The following CABLES1 variants were observed in gnomAD, a reference collection of about 807,000 sequenced individuals.
CABLES1 encodes the protein Cdk5 and Abl enzyme substrate 1, also known as CDK5 and ABL1 enzyme substrate 1.
Under a neutral mutation model 57.8 loss-of-function variants are expected in CABLES1, and 36 were observed. The observed-to-expected ratio is 0.62, with a 90% CI of 0.48 to 0.82. The LOEUF (loss-of-function observed/expected upper bound fraction) is 0.82, where lower values mean the gene tolerates loss of function less well. Ranked by LOEUF, CABLES1 falls within the 40% of genes least tolerant of loss-of-function variation. The pLI, the probability that CABLES1 is intolerant of heterozygous loss-of-function variation, is 0.00. For synonymous variants in CABLES1, 374 were observed against 363.0 expected (o/e 1.03, Z -0.35); for missense variants, 767 against 836.6 (o/e 0.92, Z 1.03).
rs547931697 is a variant in CABLES1, at chr18:23,229,774, A to G, written c.1089-4834A>G. On this transcript the variant is annotated intron_variant, in intron 4 of 9. Transcript: ENST00000256925. ...GAGTTCCTTTCTGCATGCAACTCCA[A>G]CGTTCTAGGCTTCCAAAAGAGAGGG... 4.6e-4 allele frequency among the ~76,000 whole-genome samples: 70 copies of G among 152,324 alleles called. 1 individual carries two copies. The highest frequency in any genetic ancestry group is 1.5e-3 in the African/African-American group (63 of 41,584).
In CABLES1 at chr18:23,147,979, CTTTTTTTTTTTT is replaced by C. The variant is rs10603023; in HGVS notation, c.845+11389_845+11400del. Among the ~76,000 whole-genome samples, 10 of 78,444 alleles carry C rather than the reference CTTTTTTTTTTTT, an allele frequency of 1.3e-4. 1 individual carries two copies. Among genetic ancestry groups the C allele is most frequent in the South Asian group, 6.5e-4 (1 of 1,548 alleles). 51.5% of individuals were successfully genotyped at this position (78,444 alleles called of 152,430 possible). A position where few individuals can be genotyped will look rare whatever the true frequency, so the allele number is the denominator to read the frequency against. ...GTCTGCGTGCTGCCTGCTTGGCCTC[CTTTTTTTTTTTT>C]TTTTTTTTTTTTTTTTGAGACGGAG... On this transcript the variant is annotated intron_variant, in intron 1 of 9. Coordinates refer to ENST00000256925, the MANE Select transcript of CABLES1 (RefSeq NM_001100619.3).
chr18:23,167,111 G>A (rs940540754), intron 1 of CABLES1, among the ~76,000 whole-genome samples: 2 of 152,124 alleles, frequency 1.3e-5, no homozygotes, highest in African/African-American at 4.8e-5. Flanking sequence ...CTAATCTCAA[G>A]ATCATCATCA....
chr18:23,202,136 G>T (rs565098155), intron 3 of CABLES1, among the ~76,000 whole-genome samples: 1 of 152,352 alleles, frequency 6.6e-6, no homozygotes. Context: ...TGGGAACCAC[G>T]CAGTGTGCTG....
chr18:23,155,574 G>A (rs1598802154), intron 1 of CABLES1, among the ~76,000 whole-genome samples: 2 of 152,142 alleles, frequency 1.3e-5, no homozygotes, highest in South Asian at 4.1e-4. Flanking sequence ...GGCATCTCCC[G>A]CTTACAATGG....
chr18:23,158,604 T>G (rs1333972514), intron 1 of CABLES1, among the ~76,000 whole-genome samples: 1 of 152,150 alleles, frequency 6.6e-6, no homozygotes, highest in Non-Finnish European at 1.5e-5. Flanking sequence ...CTGGAAAGTG[T>G]TTTGGAGCTT....
At chr18:23,227,196 A>G (rs973674450) in intron 4 of CABLES1, among the ~76,000 whole-genome samples, 4 of 152,228 alleles carry the variant, frequency 2.6e-5, no homozygotes, top group South Asian at 4.2e-4. Flanking sequence ...TTCTATTCTT[A>G]GAGCCTTCAA....
chr18:23,149,293 C>CT (rs953668562), intron 1 of CABLES1, among the ~76,000 whole-genome samples: 2 of 151,228 alleles, frequency 1.3e-5, no homozygotes, highest in Admixed American at 6.6e-5. Context: ...AGTTTGTCTA[C>CT]TTTTTTTTGA....
chr18:23,199,394 ATATT>A (rs2047307329), intron 3 of CABLES1, among the ~76,000 whole-genome samples: 1 of 152,240 alleles, frequency 6.6e-6, no homozygotes, highest in East Asian at 1.9e-4. Flanking sequence ...ATTCAGACAG[ATATT>A]TATACACCAA....
intron 1 of CABLES1, among the ~76,000 whole-genome samples, chr18:23,184,738 A>G (rs774153087): frequency 6.6e-6 from 1 of 152,020 alleles, no homozygotes; most frequent in Non-Finnish European, 1.5e-5. Flanking sequence ...AAAGAAATGT[A>G]TTTTCTCACA....
chr18:23,177,026 T>G (rs2144998788), intron 1 of CABLES1, among the ~76,000 whole-genome samples: 1 of 152,004 alleles, frequency 6.6e-6, no homozygotes, highest in Middle Eastern at 3.4e-3. Flanking sequence ...GGGACAGGAG[T>G]GTGTCCCTCC....
intron 7 of CABLES1, among the ~76,000 whole-genome samples, chr18:23,250,563 A>C (rs1381211043): frequency 6.6e-6 from 1 of 152,202 alleles, no homozygotes; most frequent in Admixed American, 6.5e-5. Flanking sequence ...AGTAGAAGGG[A>C]AATAAACCTG....
intron 3 of CABLES1, among the ~76,000 whole-genome samples, chr18:23,212,811 C>T (rs949734657): frequency 2.0e-5 from 3 of 152,072 alleles, no homozygotes; most frequent in African/African-American, 7.2e-5. Context: ...GGAAACACTC[C>T]GTGGAGGGGG....
intron 3 of CABLES1, among the ~76,000 whole-genome samples, chr18:23,195,635 G>C (rs1022492000): frequency 1.3e-5 from 2 of 152,160 alleles, no homozygotes; most frequent in African/African-American, 4.8e-5. Flanking sequence ...AGTGGTTTCA[G>C]AATAGCAAAA....
chr18:23,143,591 C>T (rs1363587124), intron 1 of CABLES1, among the ~76,000 whole-genome samples: 1 of 152,222 alleles, frequency 6.6e-6, no homozygotes, highest in Admixed American at 6.5e-5. Flanking sequence ...CCTTTGGCTG[C>T]CTTTGTGCTA....
chr18:23,218,256 C>G (rs1318472371), intron 4 of CABLES1, among the ~76,000 whole-genome samples: 1 of 150,900 alleles, frequency 6.6e-6, no homozygotes, highest in Non-Finnish European at 1.5e-5. Flanking sequence ...GCCCTGCCTC[C>G]CACATCCTCA....
rs749086574 is a variant in CABLES1 at position 23,188,800 on chromosome 18, G to A, written c.846-38G>A. The A allele has an allele frequency of 1.1e-4, 157 of 1,420,704 alleles. 1 individual carries two copies. Among genetic ancestry groups the A allele is most frequent in the Admixed American group, 1.8e-4 (11 of 59,734 alleles). 88.0% of individuals were successfully genotyped at this position (1,420,704 alleles called of 1,614,324 possible). On this transcript the variant is annotated intron_variant, in intron 1 of 9. Transcript: ENST00000256925. ...ACAAATGTCTGATCAGTTCTGCAAT[G>A]CAGTTTTAACTCCCAGATTTTTTCC...
At chr18:23,255,867 TAATG>T (rs1274546463) in intron 9 of CABLES1, among the ~76,000 whole-genome samples, 1 of 152,156 alleles carries the variant, frequency 6.6e-6, no homozygotes, top group Non-Finnish European at 1.5e-5. Context: ...GGCCAAGAAT[TAATG>T]AATCTTTTGA....
At chr18:23,232,614 G>T (rs1026180543) in intron 4 of CABLES1, among the ~76,000 whole-genome samples, 1 of 152,218 alleles carries the variant, frequency 6.6e-6, no homozygotes, top group African/African-American at 2.4e-5. Flanking sequence ...GGTCTTGTGG[G>T]TGTGAACAGA....
intron 1 of CABLES1, among the ~76,000 whole-genome samples, chr18:23,174,467 CTG>C (rs969751783): frequency 4.0e-5 from 6 of 150,938 alleles, no homozygotes; most frequent in African/African-American, 9.8e-5. Flanking sequence ...TGGGGTGACT[CTG>C]TGTTTAAAAC....
Sources: gnomAD v4.1 joint callset for allele counts (sites outside exome capture counted in the v4.1 genomes callset) on GRCh38, gnomAD v4.1.1 for gene constraint, MANE v1.5 for transcripts, NCBI Gene and HGNC (gene_info 2026-07-23, HGNC 2026-07-21) for gene names.